The following SCUBE2 variants were observed in gnomAD, a reference collection of about 807,000 sequenced individuals.
SCUBE2 encodes signal peptide, CUB domain and EGF like domain containing 2, also known as signal peptide, CUB and EGF-like domain-containing protein 2.
Under a neutral mutation model 125.9 loss-of-function variants are expected in SCUBE2, and 114 were observed. The observed-to-expected ratio is 0.91, with a 90% confidence interval of 0.78 to 1.06. SCUBE2 has a LOEUF of 1.06. Ranked by LOEUF, SCUBE2 falls within the 50% of genes least tolerant of loss-of-function variation. The pLI is 0.00. For missense variants in SCUBE2, 1,255 were observed against 1,301.8 expected (o/e 0.96, Z 0.55); for synonymous variants, 459 against 492.9 (o/e 0.93, Z 0.91).
Position 9,079,375 on chromosome 11 carries a change from C to T in SCUBE2, c.382+9G>A, listed in dbSNP as rs748830998. On this transcript the variant is annotated intron_variant, in intron 3 of 22. Transcript: ENST00000649792. ...AAGGAGAATTGCCATTTCCAAATGC[C>T]TTCCTTACCAAGACAATTATGACCG... The T allele has an allele frequency of 6.2e-7, 1 of 1,613,722 alleles. No homozygotes were observed. Among genetic ancestry groups the T allele is most frequent in the East Asian group, 2.2e-5 (1 of 44,848 alleles).
chr11:9,081,389 T>C (rs1335712249), intron 2 of SCUBE2, among the ~76,000 whole-genome samples: 1 of 152,016 alleles, frequency 6.6e-6, no homozygotes, highest in African/African-American at 2.4e-5. Context: ...CATTCTACTT[T>C]CTGACTCTAT....
intron 13 of SCUBE2, among the ~76,000 whole-genome samples, chr11:9,052,420 C>T (rs1858510774): frequency 6.6e-6 from 1 of 152,234 alleles, no homozygotes; most frequent in Admixed American, 6.5e-5. Flanking sequence ...ACACCATGTG[C>T]TCCAGGCACA....
At chr11:9,074,814 C>T (rs1275507917) in intron 3 of SCUBE2, among the ~76,000 whole-genome samples, 199 bp from the exon 4 acceptor site, 3 of 152,222 alleles carry the variant, frequency 2.0e-5, no homozygotes. Flanking sequence ...TTGGCCAGGA[C>T]CGCCACATGG....
intron 2 of SCUBE2, among the ~76,000 whole-genome samples, chr11:9,081,450 T>C (rs983856992): frequency 6.6e-6 from 1 of 152,332 alleles, no homozygotes; most frequent in Admixed American, 6.5e-5. Flanking sequence ...ACAGTATTTG[T>C]CTTTTTGTGA....
chr11:9,044,913 G>T (rs1857556042), intron 16 of SCUBE2, among the ~76,000 whole-genome samples: 1 of 152,168 alleles, frequency 6.6e-6, no homozygotes, highest in Non-Finnish European at 1.5e-5. Context: ...ACCACAGTCT[G>T]CACTTTGGGG....
chr11:9,034,222 C>T (rs1856571051), intron 16 of SCUBE2, among the ~76,000 whole-genome samples: 1 of 152,184 alleles, frequency 6.6e-6, no homozygotes, highest in Admixed American at 6.5e-5. Context: ...TGTCTGGTGG[C>T]ATCCCGAAAG....
intron 16 of SCUBE2, among the ~76,000 whole-genome samples, chr11:9,046,807 A>G (rs1453384409): frequency 6.6e-6 from 1 of 152,150 alleles, no homozygotes; most frequent in Non-Finnish European, 1.5e-5. Context: ...TTTGCACTTG[A>G]TTTTCACTAA....
Position 9,065,922 on chromosome 11 carries a change from C to G in SCUBE2, c.819G>C (p.Gly273=), listed in dbSNP as rs1460546775. The G allele has an allele frequency of 1.2e-6, 2 of 1,614,046 alleles. No homozygotes were observed. Among genetic ancestry groups the G allele is most frequent in the Non-Finnish European group, 1.7e-6 (2 of 1,180,032 alleles). Residue 273 remains glycine (G), a synonymous_variant, in exon 7 of 23, where the codon GGG becomes GGC. Transcript: ENST00000649792. ...GCAGCCGCCGTTTCACCCGTTTATC[C>G]CCATCCACCACTGATGTGGTGTTGC... ...TESNTTSVVD[G]DKRVKRRLLM...
At chr11:9,050,511 A>G in intron 14 of SCUBE2, 95 bp downstream of exon 14, 3 of 901,738 alleles carry the variant, frequency 3.3e-6, no homozygotes, top group Non-Finnish European at 1.8e-6. Context: ...GATCGGCTGG[A>G]CAGCCCCTGG....
chr11:9,091,080 C>G lies in SCUBE2; in HGVS notation c.133+316G>C, dbSNP rs1175973588. ...CCGCCTACGCTGAGGCGCGGGACCCCAAGGCCAGGGTCCGCACCCTCCTGC... is the reference window on the plus strand; with the variant it reads ...CCGCCTACGCTGAGGCGCGGGACCCGAAGGCCAGGGTCCGCACCCTCCTGC... On this transcript the variant is annotated intron_variant, in intron 1 of 22. Transcript: ENST00000649792. This position sits in a 1 kb window ranked among gnomAD's most constrained non-coding sequence, Gnocchi z 8.5. Among the ~76,000 whole-genome samples the G allele has an allele frequency of 2.0e-5, 3 of 152,190 alleles. No homozygotes were observed. In the East Asian group the frequency reaches 5.8e-4, roughly 29 times the overall value.
At position 9,021,133 on chromosome 11, in the gene SCUBE2, G is replaced by T; in HGVS notation, c.2999C>A (p.Thr1000Lys). The change falls in exon 23 of 23, where the codon ACA (threonine) becomes AAA (lysine). Residue 1000 changes from threonine (T) to lysine (K), a missense_variant. Around this residue, in one of 3 missense-constraint regions of SCUBE2, gnomAD observed 515 missense variants for 515.7 expected, o/e 1.00. Coordinates refer to ENST00000649792, the MANE Select transcript of SCUBE2 (RefSeq NM_001367977.2). ...LAHPQNYFKY[T>K]AQESREMFPR... ...AAACATCTCTCGGGACTCCTGGGCT[G>T]TGTACTTGAAATAGTTCTGGGGATG... 1.9e-6 allele frequency: 3 copies of T among 1,612,954 alleles called. No individual in the cohort carries two copies. The highest frequency in any genetic ancestry group is 2.5e-6 in the Non-Finnish European group (3 of 1,179,380).
intron 16 of SCUBE2, among the ~76,000 whole-genome samples, chr11:9,044,066 A>G (rs1857481697): frequency 6.6e-6 from 1 of 152,246 alleles, no homozygotes; most frequent in Non-Finnish European, 1.5e-5. Flanking sequence ...TATTTGCCAT[A>G]TAAAAATTAG....
At chr11:9,088,108 G>T (rs765443072) in intron 2 of SCUBE2, among the ~76,000 whole-genome samples, 1 of 152,208 alleles carries the variant, frequency 6.6e-6, no homozygotes, top group Non-Finnish European at 1.5e-5. Flanking sequence ...TTACTCAGAG[G>T]CCACAGTATG....
chr11:9,085,542 C>T (rs12294089), intron 2 of SCUBE2, among the ~76,000 whole-genome samples: 2,093 of 152,112 alleles, frequency 0.014, 40 homozygotes, highest in African/African-American at 0.047. Flanking sequence ...CTGGCTAACA[C>T]GGTGAAACCC....
At position 9,056,417 on chromosome 11, in the gene SCUBE2, C is replaced by T. The variant is rs139679680; in HGVS notation, c.1091-508G>A. Among the ~76,000 whole-genome samples the T allele has an allele frequency of 1.6e-3, 249 of 152,286 alleles. 1 individual carries two copies. Among genetic ancestry groups the T allele is most frequent in the African/African-American group, 5.7e-3 (238 of 41,542 alleles). Reference sequence around the variant, plus strand: ...GAATTAGTCTTCTGGCCCCAAGAGGCCAGTTAATCCTAGGTTTTAATGCCC... The same window carrying T: ...GAATTAGTCTTCTGGCCCCAAGAGGTCAGTTAATCCTAGGTTTTAATGCCC... On this transcript the variant is annotated intron_variant, in intron 9 of 22. Coordinates refer to ENST00000649792, the MANE Select transcript of SCUBE2 (RefSeq NM_001367977.2).
Position 9,060,011 on chromosome 11 carries a change from A to C in SCUBE2, c.967+397T>G, listed in dbSNP as rs1319035878. 3.9e-5 allele frequency among the ~76,000 whole-genome samples: 6 copies of C among 152,222 alleles called. No homozygotes were observed. The South Asian group carries it at 1.2e-3, about 32-fold the overall frequency. The stretch of plus-strand genomic sequence containing the variant: ...CTTCATCAGTAAAAGTTAATGGTAC[A>C]GTTATTCATTAAGTCCTCTGGATAA... On this transcript the variant is annotated intron_variant, in intron 8 of 22. Transcript: ENST00000649792.
rs1334169770 is a variant in SCUBE2, at chr11:9,091,444, C to CCAGCAGCAGCAGTGGCGGCAGCAGCAG, written c.58_84dup (p.Leu20_Leu28dup). 2 of 1,331,022 alleles carry CCAGCAGCAGCAGTGGCGGCAGCAGCAG rather than the reference C, an allele frequency of 1.5e-6. No homozygotes were observed. Among genetic ancestry groups the CCAGCAGCAGCAGTGGCGGCAGCAGCAG allele is most frequent in the Non-Finnish European group, 1.9e-6 (2 of 1,044,556 alleles). 82.5% of individuals were successfully genotyped at this position (1,331,022 alleles called of 1,614,324 possible). On this transcript the variant is annotated inframe_insertion, in exon 1 of 23. Transcript: ENST00000649792. This position sits in a 1 kb window ranked among gnomAD's most constrained non-coding sequence, Gnocchi z 8.5. ...CCCCGACCCGGCGGGACGGCCCCCG[C>CCAGCAGCAGCAGTGGCGGCAGCAGCAG]CAGCAGCAGCAGTGGCGGCAGCAGC...
At chr11:9,062,315 G>A (rs566699382) in intron 7 of SCUBE2, among the ~76,000 whole-genome samples, 59 of 152,346 alleles carry the variant, frequency 3.9e-4, no homozygotes, top group Non-Finnish European at 7.1e-4. Context: ...CAAGCCTACA[G>A]GCAGGTGGTT....
rs1350882447 is a variant in SCUBE2 at position 9,054,745 on chromosome 11, T to TTTTTTTTTTTTTTTTC, written c.1208-987_1208-986insGAAAAAAAAAAAAAAA. Among the ~76,000 whole-genome samples, 3 of 110,462 alleles carry TTTTTTTTTTTTTTTTC rather than the reference T, an allele frequency of 2.7e-5. 1 individual carries two copies. Among genetic ancestry groups the TTTTTTTTTTTTTTTTC allele is most frequent in the Non-Finnish European group, 5.5e-5 (3 of 54,064 alleles). The allele number at this position is 110,462 out of a possible 152,430, so 72.5% of individuals were successfully genotyped here. ...TATATATTTTTTTTTTTTTTTTTTT[T>TTTTTTTTTTTTTTTTC]TTTTTTTCAGGTGGAGTTTCGCTCT... On this transcript the variant is annotated intron_variant, in intron 10 of 22. Coordinates refer to ENST00000649792, the MANE Select transcript of SCUBE2 (RefSeq NM_001367977.2).
Sources: gnomAD v4.1 joint callset for allele counts (sites outside exome capture counted in the v4.1 genomes callset) on GRCh38, gnomAD v4.1.1 for gene constraint, gnomAD v4.1.1 regional missense constraint, Gnocchi (gnomAD v3.1) non-coding constraint, MANE v1.5 for transcripts, NCBI Gene and HGNC (gene_info 2026-07-23, HGNC 2026-07-21) for gene names.